Variants in STEEP1 observed in about 807,000 individuals in gnomAD.
STEEP1 encodes STING ER exit protein.
A neutral mutation model predicts 19.2 loss-of-function variants in STEEP1; 3 were observed. That is an observed-to-expected ratio of 0.16 (90% CI 0.07 to 0.40). The LOEUF (loss-of-function observed/expected upper bound fraction) is 0.40, where lower values mean the gene tolerates loss of function less well. Ranked by LOEUF, STEEP1 falls within the 10% of genes least tolerant of loss-of-function variation. The pLI, the probability that STEEP1 is intolerant of heterozygous loss-of-function variation, is 0.99. For missense variants in STEEP1, 54 were observed against 177.1 expected, an observed-to-expected ratio of 0.30 and a Z score of 3.94; for synonymous variants, 46 against 63.7, an observed-to-expected ratio of 0.72 and a Z score of 1.32.
At position 119,541,433 on chromosome X, in the gene STEEP1, A is replaced by C; in HGVS notation, c.514-13T>G. The stretch of plus-strand genomic sequence containing the variant: ...CAGCAACTTCCCTCTGAAGGAAAAA[A>C]GGAGCATCCTTAAACCGGAAGTCTC... On this transcript the variant is annotated splice_polypyrimidine_tract_variant and intron_variant, in intron 5 of 6. Coordinates refer to ENST00000644802, the MANE Select transcript of STEEP1 (RefSeq NM_022101.4). 1 of 1,043,576 alleles carries C rather than the reference A, an allele frequency of 9.6e-7. No homozygotes were observed. The highest frequency in any genetic ancestry group is 1.3e-6 in the Non-Finnish European group (1 of 742,771). 86.0% of individuals were successfully genotyped at this position (1,043,576 alleles called of 1,213,427 possible).
intron 2 of STEEP1, among the ~76,000 whole-genome samples, chrX:119,548,532 CAAAAAA>C (rs59210283): frequency 4.2e-5 from 2 of 48,006 alleles, no homozygotes; most frequent in Middle Eastern, 0.013. Flanking sequence ...GACTCTGTCT[CAAAAAA>C]AAAAAAAAAA....
chrX:119,545,931 C>T (rs1191225085), intron 2 of STEEP1, among the ~76,000 whole-genome samples: 1 of 105,884 alleles, frequency 9.4e-6, no homozygotes, highest in African/African-American at 3.5e-5. Context: ...TTTCATAGGT[C>T]AACTCATTGG....
rs73637855 is a variant in STEEP1 at position 119,560,224 on chromosome X, C to T, written c.242+44G>A. 2,058 of 932,209 alleles carry T rather than the reference C, an allele frequency of 2.2e-3. 21 individuals are homozygous for T. In the African/African-American group the frequency reaches 0.035, roughly 16 times the overall value. The allele number at this position is 932,209 out of a possible 1,213,427, so 76.8% of individuals were successfully genotyped here. ...ATTTATATTATTCAGAAACAGACTC[C>T]AACACAATAGGGAAATCCTAAACAG... On this transcript the variant is annotated intron_variant, in intron 2 of 6. Transcript: ENST00000644802.
intron 5 of STEEP1, among the ~76,000 whole-genome samples, chrX:119,541,752 C>G (rs1205766784): frequency 9.0e-6 from 1 of 111,611 alleles, no homozygotes; most frequent in African/African-American, 3.3e-5. Context: ...ATATGTAAAA[C>G]AGCAGATGAC....
At chrX:119,545,080 G>A (rs1423898465) in intron 3 of STEEP1, among the ~76,000 whole-genome samples, 2 of 111,056 alleles carry the variant, frequency 1.8e-5, no homozygotes, top group African/African-American at 3.3e-5. Context: ...GGGGTCGGAC[G>A]AGGTGGCTCA....
At chrX:119,544,010 C>A (rs1423941827) in intron 4 of STEEP1, among the ~76,000 whole-genome samples, 2 of 110,839 alleles carry the variant, frequency 1.8e-5, no homozygotes, top group East Asian at 5.6e-4. Flanking sequence ...AAATGGCACC[C>A]GATTAATAAA....
chrX:119,563,798 A>C (rs1373187238), intron 1 of STEEP1, among the ~76,000 whole-genome samples: 1 of 111,769 alleles, frequency 8.9e-6, no homozygotes, highest in Non-Finnish European at 1.9e-5. Context: ...TTCCTGATGG[A>C]CTGGACAGAT....
intron 2 of STEEP1, among the ~76,000 whole-genome samples, chrX:119,551,145 T>C (rs138130262): frequency 1.0e-3 from 112 of 111,340 alleles, no homozygotes; most frequent in African/African-American, 3.5e-3. Flanking sequence ...ATGCATAACA[T>C]AGAATTCTTA....
At chrX:119,562,961 CT>C (rs751911489) in intron 1 of STEEP1, among the ~76,000 whole-genome samples, 1 of 110,941 alleles carries the variant, frequency 9.0e-6, no homozygotes, top group Non-Finnish European at 1.9e-5. Flanking sequence ...TAAAAAGGCA[CT>C]GGGGGGCAGG....
rs182528049 is a variant in STEEP1, at chrX:119,559,917, C to T, written c.242+351G>A. ...TACAAAAATTAGCTGGGCGTGGTGG[C>T]GCACGCCTGTCATCCCAGCTACTGG... On this transcript the variant is annotated intron_variant, in intron 2 of 6. Coordinates refer to ENST00000644802, the MANE Select transcript of STEEP1 (RefSeq NM_022101.4). 8.3e-3 allele frequency among the ~76,000 whole-genome samples: 929 copies of T among 111,751 alleles called. 11 individuals carry two copies. The highest frequency in any genetic ancestry group is 0.029 in the African/African-American group (901 of 30,805).
chrX:119,540,060 G>A (rs1036370187), intron 6 of STEEP1, among the ~76,000 whole-genome samples: 5 of 111,355 alleles, frequency 4.5e-5, no homozygotes, highest in Admixed American at 1.9e-4. Flanking sequence ...CAGCCCCAGC[G>A]CCCCCCACAG....
Position 119,544,367 on chromosome X carries a change from C to T in STEEP1, c.409G>A (p.Glu137Lys). The change falls in exon 4 of 7, where the codon GAG becomes AAG. Residue 137 changes from glutamate (E) to lysine (K), a missense_variant. Physicochemically the swap from Glu to Lys is moderately conservative, Grantham distance 56. Coordinates refer to ENST00000644802, the MANE Select transcript of STEEP1 (RefSeq NM_022101.4). ...GKTNIYTQKQ[E>K]PPKKVMMTKR... ...ATGGTAATTACCTTCTTAGGAGGCTCTTGTTTCTGAGTATATATGTTCGTT... is the reference window on the plus strand; with the variant it reads ...ATGGTAATTACCTTCTTAGGAGGCTTTTGTTTCTGAGTATATATGTTCGTT... 3 of 1,207,053 alleles carry T rather than the reference C, an allele frequency of 2.5e-6. No individual in the cohort carries two copies. Among genetic ancestry groups the T allele is most frequent in the Non-Finnish European group, 3.4e-6 (3 of 891,894 alleles).
chrX:119,551,018 T>C (rs1381710020), intron 2 of STEEP1, among the ~76,000 whole-genome samples: 4 of 111,459 alleles, frequency 3.6e-5, no homozygotes, highest in Non-Finnish European at 7.5e-5. Context: ...ATCAGATATA[T>C]GGGATGATAA....
chrX:119,565,105 G>C, intron 1 of STEEP1, 127 bp downstream of exon 1: 1 of 1,052,462 alleles, frequency 9.5e-7, no homozygotes, highest in Non-Finnish European at 1.3e-6. Context: ...GGAGGATTTA[G>C]TCGGAGAGAG....
chrX:119,541,461 C>A, intron 5 of STEEP1, 41 bp from the exon 6 acceptor site: 1 of 769,064 alleles, frequency 1.3e-6, no homozygotes, highest in Non-Finnish European at 2.0e-6. Context: ...GAAGTCTCAC[C>A]AAGGAATAAC....
chrX:119,558,544 A>G (rs2053298618), intron 2 of STEEP1, among the ~76,000 whole-genome samples: 1 of 111,714 alleles, frequency 9.0e-6, no homozygotes, highest in Admixed American at 9.5e-5. Context: ...CTCCAAAAAA[A>G]AGAAAACTAA....
At position 119,539,530 on chromosome X, in the gene STEEP1, CAAAAAA is replaced by C. The variant is rs34447220; in HGVS notation, c.*191_*196del. The C allele has an allele frequency of 0.022, 6,396 of 292,215 alleles. 4 individuals carry two copies. Among genetic ancestry groups the C allele is most frequent in the East Asian group, 0.049 (949 of 19,522 alleles). The allele number at this position is 292,215 out of a possible 1,213,427, so 24.1% of individuals were successfully genotyped here. On this transcript the variant is annotated 3_prime_UTR_variant, in exon 7 of 7. Transcript: ENST00000644802. Reference sequence around the variant, plus strand: ...TGGGCGAAAGAGCAAGACTTTATCTCAAAAAAAAAAAAAAAAAAAAGAAAGCAAGTT... The same window carrying C: ...TGGGCGAAAGAGCAAGACTTTATCTCAAAAAAAAAAAAAAGAAAGCAAGTT...
chrX:119,542,624 C>T lies in STEEP1; in HGVS notation c.424-30G>A, dbSNP rs368954551. On this transcript the variant is annotated intron_variant, in intron 4 of 6. Transcript: ENST00000644802. ...AGTGGCAGGCAAGAAGAAGTCAGTC[C>T]GGTTCACCAAAACAGGATCCATGAG... 137 of 1,072,185 alleles carry T rather than the reference C, an allele frequency of 1.3e-4. No individual in the cohort carries two copies. The Admixed American group carries it at 1.9e-3, about 15-fold the overall frequency. 88.4% of individuals were successfully genotyped at this position (1,072,185 alleles called of 1,213,427 possible).
At chrX:119,556,747 C>T (rs183403580) in intron 2 of STEEP1, among the ~76,000 whole-genome samples, 2 of 110,890 alleles carry the variant, frequency 1.8e-5, no homozygotes, top group East Asian at 5.7e-4. Flanking sequence ...TTCTGGGACA[C>T]AGGAAGGCAC....
Sources: allele counts gnomAD v4.1 joint callset (sites outside exome capture counted in the v4.1 genomes callset), GRCh38; gene constraint gnomAD v4.1.1; transcripts MANE v1.5; gene names NCBI Gene and HGNC (gene_info 2026-07-23, HGNC 2026-07-21).